The following GALNT14 variants were observed in gnomAD, a reference collection of about 807,000 sequenced individuals.
GALNT14 encodes UDP-GalNAc:polypeptide N-acetylgalactosaminyltransferase 14.
Under a neutral mutation model 77.5 loss-of-function variants are expected in GALNT14, and 60 were observed. The ratio of observed to expected loss-of-function variants is 0.77; its 90% CI spans 0.63 to 0.96. The LOEUF is 0.96. Ranked by LOEUF, GALNT14 falls within the 40% of genes least tolerant of loss-of-function variation. The pLI is 0.00. For synonymous variants in GALNT14, 280 were observed against 281.7 expected, an observed-to-expected ratio of 0.99 and a Z score of 0.06; for missense variants, 710 against 731.0, an observed-to-expected ratio of 0.97 and a Z score of 0.33.
intron 1 of GALNT14, among the ~76,000 whole-genome samples, chr2:31,029,472 T>C (rs1011547962): frequency 6.6e-6 from 1 of 152,226 alleles, no homozygotes; most frequent in Non-Finnish European, 1.5e-5. Context: ...CTTATTTTAT[T>C]TGTAATACAA....
chr2:30,982,333 C>T (rs1207686009), intron 2 of GALNT14, among the ~76,000 whole-genome samples: 2 of 152,206 alleles, frequency 1.3e-5, no homozygotes, highest in East Asian at 3.9e-4. Context: ...TACAGAAACA[C>T]ATATGCCTGT....
chr2:30,948,779 T>C (rs1369693233), intron 6 of GALNT14, among the ~76,000 whole-genome samples: 1 of 152,232 alleles, frequency 6.6e-6, no homozygotes, highest in East Asian at 1.9e-4. Context: ...TAGCAAGTTA[T>C]TAAACCTGAG....
chr2:31,010,371 G>A (rs1241512466), intron 1 of GALNT14, among the ~76,000 whole-genome samples: 7 of 152,162 alleles, frequency 4.6e-5, no homozygotes, highest in Non-Finnish European at 1.0e-4. Flanking sequence ...AGGCCAAGGC[G>A]GGCAGATCAC....
intron 1 of GALNT14, among the ~76,000 whole-genome samples, chr2:31,131,586 C>A (rs1382232723): frequency 6.6e-6 from 1 of 152,122 alleles, no homozygotes; most frequent in Non-Finnish European, 1.5e-5. Flanking sequence ...AGGGCTCAAG[C>A]AATGAAGGTC....
chr2:30,997,939 C>G (rs1166917561), intron 1 of GALNT14, among the ~76,000 whole-genome samples: 1 of 152,134 alleles, frequency 6.6e-6, no homozygotes, highest in African/African-American at 2.4e-5. Flanking sequence ...ACCAACATCT[C>G]CCCCAGCCTC....
At chr2:31,060,395 C>G (rs978693544) in intron 1 of GALNT14, among the ~76,000 whole-genome samples, 14 of 152,272 alleles carry the variant, frequency 9.2e-5, no homozygotes, top group African/African-American at 3.1e-4. Flanking sequence ...TAAACAGGGC[C>G]AATGTCCCAC....
rs113989547 is a variant in GALNT14 at position 31,089,182 on chromosome 2, C to T, written c.129+48776G>A. Among the ~76,000 whole-genome samples the T allele has an allele frequency of 5.1e-3, 782 of 152,282 alleles. 11 individuals are homozygous for T. Among genetic ancestry groups the T allele is most frequent in the African/African-American group, 0.018 (751 of 41,546 alleles). ...CTAGCCTACCATGACCCTTCTCCTT[C>T]CTATAGCATTTGCAATCTCAACTCG... On this transcript the variant is annotated intron_variant, in intron 1 of 14. Coordinates refer to ENST00000349752, the MANE Select transcript of GALNT14 (RefSeq NM_024572.4).
intron 1 of GALNT14, among the ~76,000 whole-genome samples, chr2:31,100,527 C>T (rs1205469271): frequency 6.6e-6 from 1 of 151,966 alleles, no homozygotes; most frequent in African/African-American, 2.4e-5. Context: ...ACTGCCTCTT[C>T]CCTCTCTTTT....
At chr2:30,922,311 A>C (rs1315511910) in intron 13 of GALNT14, among the ~76,000 whole-genome samples, 1 of 152,174 alleles carries the variant, frequency 6.6e-6, no homozygotes, top group Non-Finnish European at 1.5e-5. Context: ...TCCCCAGGAC[A>C]AAAAGCAACC....
chr2:30,961,147 C>T (rs1667668264), intron 3 of GALNT14, among the ~76,000 whole-genome samples: 1 of 152,220 alleles, frequency 6.6e-6, no homozygotes, highest in Admixed American at 6.5e-5. Flanking sequence ...GATGTTGGTT[C>T]GCTCCCAGCC....
intron 2 of GALNT14, among the ~76,000 whole-genome samples, chr2:30,978,190 C>A (rs1453309219): frequency 1.3e-5 from 2 of 152,238 alleles, no homozygotes; most frequent in South Asian, 2.1e-4. Context: ...ACAACCTCCA[C>A]AAACCTCCCT....
chr2:31,111,436 C>G (rs541874192), intron 1 of GALNT14, among the ~76,000 whole-genome samples: 1 of 152,230 alleles, frequency 6.6e-6, no homozygotes, highest in African/African-American at 2.4e-5. Flanking sequence ...GAATCAACAA[C>G]AGGAAAGCCA....
At chr2:31,058,177 C>T (rs1330773214) in intron 1 of GALNT14, among the ~76,000 whole-genome samples, 1 of 152,224 alleles carries the variant, frequency 6.6e-6, no homozygotes, top group Admixed American at 6.5e-5. Context: ...CCTGCAACAG[C>T]TGTTTCCTAC....
downstream of GALNT14, among the ~76,000 whole-genome samples, chr2:30,908,903 C>A (rs946811943): frequency 2.7e-5 from 4 of 149,938 alleles, no homozygotes; most frequent in Non-Finnish European, 5.9e-5. Flanking sequence ...GAAATAACGC[C>A]GCATATCTAC....
At chr2:30,973,208 C>A (rs1668462078) in intron 2 of GALNT14, among the ~76,000 whole-genome samples, 1 of 152,186 alleles carries the variant, frequency 6.6e-6, no homozygotes, top group African/African-American at 2.4e-5. Context: ...ATGGAGGTGA[C>A]AATCTATGGA....
intron 1 of GALNT14, among the ~76,000 whole-genome samples, chr2:31,103,490 A>AACACACACACACACACACAC (rs58852483): frequency 1.2e-4 from 18 of 150,094 alleles, no homozygotes; most frequent in East Asian, 9.8e-4. Flanking sequence ...AGAAGAAGGA[A>AACACACACACACACACACAC]ACACACACAC....
At position 31,138,420 on chromosome 2, in the gene GALNT14, C is replaced by G. The variant is rs1429787916; in HGVS notation, c.-334G>C. On this transcript the variant is annotated 5_prime_UTR_variant, in exon 1 of 15. Coordinates refer to ENST00000349752, the MANE Select transcript of GALNT14 (RefSeq NM_024572.4). Reference sequence around the variant, plus strand: ...CCGCCGCCGCCGCCGCCGCCTTGCCCGCTGCCGCCGATAGGGAAACTGACT... The same window carrying G: ...CCGCCGCCGCCGCCGCCGCCTTGCCGGCTGCCGCCGATAGGGAAACTGACT... The G allele has an allele frequency of 5.9e-6, 2 of 340,216 alleles. No individual in the cohort carries two copies. Among genetic ancestry groups the G allele is most frequent in the Non-Finnish European group, 1.1e-5 (2 of 188,134 alleles). The allele number at this position is 340,216 out of a possible 1,614,324, so 21.1% of individuals were successfully genotyped here.
intron 1 of GALNT14, among the ~76,000 whole-genome samples, chr2:31,018,579 A>T (rs964115434): frequency 2.6e-5 from 4 of 152,208 alleles, no homozygotes; most frequent in African/African-American, 4.8e-5. Flanking sequence ...CGTGGGGATT[A>T]AAATTTGAGA....
intron 1 of GALNT14, among the ~76,000 whole-genome samples, chr2:30,995,246 C>A (rs1669959182): frequency 6.6e-6 from 1 of 151,406 alleles, no homozygotes; most frequent in Admixed American, 6.6e-5. Flanking sequence ...GCATATACGA[C>A]AGTGGTCCCA....
Sources: gnomAD v4.1 joint callset for allele counts (sites outside exome capture counted in the v4.1 genomes callset) on GRCh38, gnomAD v4.1.1 for gene constraint, MANE v1.5 for transcripts, NCBI Gene and HGNC (gene_info 2026-07-23, HGNC 2026-07-21) for gene names.